Variants in BOLL observed in about 807,000 individuals in gnomAD.
BOLL encodes boule RNA binding protein, also known as protein boule-like.
Under a neutral mutation model 44.4 loss-of-function variants are expected in BOLL, and 23 were observed. The ratio of observed to expected loss-of-function variants is 0.52; its 90% CI spans 0.37 to 0.73. BOLL has a LOEUF of 0.73. Among genes scored for constraint, BOLL ranks in the 30% least tolerant of loss-of-function variants. BOLL has a pLI of 0.00. For missense variants in BOLL, 287 were observed against 338.3 expected (o/e 0.85, Z 1.19); for synonymous variants, 97 against 110.8 (o/e 0.88, Z 0.78).
In BOLL at chr2:197,728,305, T is replaced by A; in HGVS notation, c.*250A>T. ...ATAAAACATGTTGTAGAAAAGGTCA[T>A]TACAGTTAGGTTAGCACATAAAAAA... On this transcript the variant is annotated 3_prime_UTR_variant, in exon 11 of 11. Transcript: ENST00000392296. 1 of 555,212 alleles carries A rather than the reference T, an allele frequency of 1.8e-6. No homozygotes were observed. The highest frequency in any genetic ancestry group is 3.2e-6 in the Non-Finnish European group (1 of 314,028). 34.4% of individuals were successfully genotyped at this position (555,212 alleles called of 1,614,324 possible). A position where few individuals can be genotyped will look rare whatever the true frequency, so the allele number is the denominator to read the frequency against.
At chr2:197,754,078 T>A (rs1366140941) in intron 9 of BOLL, among the ~76,000 whole-genome samples, 1 of 151,750 alleles carries the variant, frequency 6.6e-6, no homozygotes, top group South Asian at 2.1e-4. Context: ...TAAGTGGGAG[T>A]TGAACAATGA....
At chr2:197,765,937 C>A (rs1688979602) in intron 7 of BOLL, among the ~76,000 whole-genome samples, 2 of 152,026 alleles carry the variant, frequency 1.3e-5, no homozygotes, top group South Asian at 4.1e-4. Context: ...TAAGTAAGAA[C>A]ATGTGGTTAT....
chr2:197,775,380 G>T (rs1361704763), intron 5 of BOLL, among the ~76,000 whole-genome samples: 1 of 151,376 alleles, frequency 6.6e-6, no homozygotes, highest in Non-Finnish European at 1.5e-5. Flanking sequence ...AATTACTTTT[G>T]CTATATTAAA....
chr2:197,782,239 CTGGCACTCACAGCTAGGCTGTGG>C (rs1689823360), intron 1 of BOLL, among the ~76,000 whole-genome samples: 1 of 152,144 alleles, frequency 6.6e-6, no homozygotes, highest in African/African-American at 2.4e-5. Context: ...AGGAGTTGGC[CTGGCACTCACAGCTAGGCTGTGG>C]TGTTCTCTTG....
chr2:197,729,335 T>C (rs1040383935), intron 10 of BOLL, among the ~76,000 whole-genome samples: 2 of 152,140 alleles, frequency 1.3e-5, no homozygotes, highest in Non-Finnish European at 2.9e-5. Context: ...GTCTCGCTGA[T>C]TGCTAGCACA....
chr2:197,738,334 C>A (rs1687588559), intron 10 of BOLL, among the ~76,000 whole-genome samples: 1 of 152,102 alleles, frequency 6.6e-6, no homozygotes, highest in Non-Finnish European at 1.5e-5. Context: ...CCTGCCTTGG[C>A]CTCCCAAAGT....
At chr2:197,737,270 T>A (rs1687536466) in intron 10 of BOLL, among the ~76,000 whole-genome samples, 1 of 152,108 alleles carries the variant, frequency 6.6e-6, no homozygotes, top group South Asian at 2.1e-4. Context: ...AGAATCCATA[T>A]AATACATACT....
rs1480926695 is a variant in BOLL, at chr2:197,785,258, G to A, written c.-218C>T. The A allele has an allele frequency of 1.0e-6, 1 of 985,806 alleles. No homozygotes were observed. The highest frequency in any genetic ancestry group is 1.7e-5 in the African/African-American group (1 of 57,366). 61.1% of individuals were successfully genotyped at this position (985,806 alleles called of 1,614,324 possible). A position where few individuals can be genotyped will look rare whatever the true frequency, so the allele number is the denominator to read the frequency against. ...GCGAGAAATTTTGCCCCACAAATCC[G>A]CCAGCAGCAGTGGCGGGAAGCCTCA... On this transcript the variant is annotated 5_prime_UTR_variant, in exon 1 of 11. Transcript: ENST00000392296. This position sits in a 1 kb window ranked among gnomAD's most constrained non-coding sequence, Gnocchi z 6.7.
intron 7 of BOLL, among the ~76,000 whole-genome samples, chr2:197,758,697 T>G (rs944916511): frequency 1.3e-5 from 2 of 152,230 alleles, no homozygotes; most frequent in Non-Finnish European, 2.9e-5. Context: ...TATAGTTCAC[T>G]TATCCCCAAT....
intron 9 of BOLL, among the ~76,000 whole-genome samples, chr2:197,752,377 A>G (rs1004959389): frequency 3.3e-5 from 5 of 152,336 alleles, no homozygotes; most frequent in African/African-American, 1.2e-4. Context: ...TTTGCAGATG[A>G]CATGATTGTA....
chr2:197,734,854 A>G (rs1687407311), intron 10 of BOLL, among the ~76,000 whole-genome samples: 1 of 152,162 alleles, frequency 6.6e-6, no homozygotes, highest in African/African-American at 2.4e-5. Context: ...GCCTAATGCT[A>G]AATGACGAGT....
chr2:197,763,479 T>TAAAAA (rs34230740), intron 7 of BOLL, among the ~76,000 whole-genome samples: 4 of 127,570 alleles, frequency 3.1e-5, no homozygotes, highest in Middle Eastern at 3.9e-3. Flanking sequence ...GAGTCCGTCT[T>TAAAAA]AAAAAAAAAA....
chr2:197,750,002 T>G (rs1688163128), intron 9 of BOLL, among the ~76,000 whole-genome samples: 1 of 152,064 alleles, frequency 6.6e-6, no homozygotes, highest in Admixed American at 6.6e-5. Flanking sequence ...TCAACATTCT[T>G]AAAGAAAAGA....
At chr2:197,760,829 TA>T (rs1220059833) in intron 7 of BOLL, among the ~76,000 whole-genome samples, 1 of 152,046 alleles carries the variant, frequency 6.6e-6, no homozygotes, top group African/African-American at 2.4e-5. Flanking sequence ...GAAAGAATTT[TA>T]AAAGCAGCAA....
chr2:197,732,363 C>G (rs1687231209), intron 10 of BOLL, among the ~76,000 whole-genome samples: 1 of 152,166 alleles, frequency 6.6e-6, no homozygotes, highest in Non-Finnish European at 1.5e-5. Flanking sequence ...GGATTCACAG[C>G]TGAATTCTAC....
Position 197,785,027 on chromosome 2 carries a change from A to G in BOLL, c.-16+29T>C. The G allele has an allele frequency of 1.0e-6, 1 of 985,972 alleles. No individual in the cohort carries two copies. The highest frequency in any genetic ancestry group is 1.2e-6 in the Non-Finnish European group (1 of 829,934). The allele number at this position is 985,972 out of a possible 1,614,324, so 61.1% of individuals were successfully genotyped here. A position where few individuals can be genotyped will look rare whatever the true frequency, so the allele number is the denominator to read the frequency against. On this transcript the variant is annotated intron_variant, in intron 1 of 10. Transcript: ENST00000392296. The surrounding 1 kb of genome is among the most constrained non-coding windows in gnomAD (Gnocchi z 6.7). ...TCGAGATCTAGCATCTATTTTGCAA[A>G]CGAAGACAGCAGGAACGGGCGGGCT...
At chr2:197,731,078 G>A (rs1251246878) in intron 10 of BOLL, among the ~76,000 whole-genome samples, 1 of 152,096 alleles carries the variant, frequency 6.6e-6, no homozygotes, top group African/African-American at 2.4e-5. Flanking sequence ...CACCTCACTT[G>A]CAGAGACACA....
At chr2:197,782,607 A>T (rs753562694) in intron 1 of BOLL, among the ~76,000 whole-genome samples, 2 of 152,206 alleles carry the variant, frequency 1.3e-5, no homozygotes, top group Non-Finnish European at 2.9e-5. Flanking sequence ...AGAAGCCTAT[A>T]TCCTGTAAGT....
intron 10 of BOLL, among the ~76,000 whole-genome samples, chr2:197,738,828 G>A (rs1236558748): frequency 6.6e-6 from 1 of 152,078 alleles, no homozygotes; most frequent in Non-Finnish European, 1.5e-5. Flanking sequence ...AGTAAAAAAA[G>A]GCTAATGTTT....
Sources: allele counts gnomAD v4.1 joint callset (sites outside exome capture counted in the v4.1 genomes callset), GRCh38; gene constraint gnomAD v4.1.1; non-coding constraint Gnocchi (gnomAD v3.1); transcripts MANE v1.5; gene names NCBI Gene and HGNC (gene_info 2026-07-23, HGNC 2026-07-21).